CACNA1A: variants seen among roughly 807,000 people sequenced by gnomAD.
CACNA1A encodes the protein calcium voltage-gated channel subunit alpha1 A, also known as voltage-dependent P/Q-type calcium channel subunit alpha-1A.
A neutral mutation model predicts 262.4 loss-of-function variants in CACNA1A; 57 were observed. The ratio of observed to expected loss-of-function variants is 0.22; its 90% CI spans 0.18 to 0.27. CACNA1A has a LOEUF of 0.27. CACNA1A is among the 10% of genes least tolerant of loss of function. CACNA1A has a pLI of 1.00. For synonymous variants in CACNA1A, 1,431 were observed against 1,419.3 expected (o/e 1.01, Z -0.18); for missense variants, 2,526 against 3,562.8 (o/e 0.71, Z 7.41).
At chr19:13,366,807 G>A (rs1439898193) in intron 4 of CACNA1A, among the ~76,000 whole-genome samples, 1 of 152,082 alleles carries the variant, frequency 6.6e-6, no homozygotes, top group Non-Finnish European at 1.5e-5. Context: ...ATATAGGCTA[G>A]TTGCTGCTCT....
chr19:13,342,963 C>T (rs950253969), intron 6 of CACNA1A, among the ~76,000 whole-genome samples: 16 of 152,250 alleles, frequency 1.1e-4, no homozygotes, highest in African/African-American at 3.9e-4. Context: ...CTCTGTTGCC[C>T]AGGCTGGTCT....
chr19:13,319,745 T>C (rs958791053), intron 10 of CACNA1A, among the ~76,000 whole-genome samples: 3 of 152,238 alleles, frequency 2.0e-5, no homozygotes, highest in African/African-American at 7.2e-5. Flanking sequence ...CTGACGTTTA[T>C]GGAACATTTA....
At chr19:13,261,944 T>C (rs2144769108) in intron 25 of CACNA1A, 1 of 232,188 alleles carries the variant, frequency 4.3e-6, no homozygotes, top group South Asian at 8.4e-5. Context: ...AATTTTTACT[T>C]AGTTGCTACC....
chr19:13,442,617 G>A (rs572442336), intron 3 of CACNA1A, among the ~76,000 whole-genome samples: 8 of 152,340 alleles, frequency 5.3e-5, no homozygotes, highest in Non-Finnish European at 1.0e-4. Context: ...AACCCTAGGA[G>A]CTAGGCACTA....
intron 19 of CACNA1A, among the ~76,000 whole-genome samples, chr19:13,292,588 C>T (rs2057567975): frequency 6.6e-6 from 1 of 151,694 alleles, no homozygotes; most frequent in African/African-American, 2.4e-5. Flanking sequence ...TACTCCGGGG[C>T]CTGGATGACA....
chr19:13,474,528 CAA>C (rs1294442691), intron 1 of CACNA1A, among the ~76,000 whole-genome samples: 2 of 152,138 alleles, frequency 1.3e-5, no homozygotes, highest in African/African-American at 2.4e-5. Flanking sequence ...GTTAAAAATG[CAA>C]AGAGTTTGCC....
chr19:13,361,906 C>A (rs1030186428), intron 5 of CACNA1A: 1 of 152,238 alleles, frequency 6.6e-6, no homozygotes, highest in Admixed American at 6.5e-5. Flanking sequence ...TCTGTCTCCA[C>A]GCCATGTCCA....
At chr19:13,335,312 AGG>A (rs2058544933) in intron 7 of CACNA1A, among the ~76,000 whole-genome samples, 1 of 152,152 alleles carries the variant, frequency 6.6e-6, no homozygotes, top group Non-Finnish European at 1.5e-5. Context: ...TAAGACCATG[AGG>A]TATCCACGAG....
intron 1 of CACNA1A, among the ~76,000 whole-genome samples, chr19:13,466,620 C>A (rs1046177944): frequency 6.6e-6 from 1 of 152,016 alleles, no homozygotes; most frequent in African/African-American, 2.4e-5. Flanking sequence ...GGATTACAGG[C>A]GTGAGCCACC....
chr19:13,473,920 G>A (rs139616339), intron 1 of CACNA1A, among the ~76,000 whole-genome samples: 7 of 152,216 alleles, frequency 4.6e-5, no homozygotes, highest in Admixed American at 2.6e-4. Context: ...GGAAAGCCCC[G>A]GCCTCCCAAT....
intron 3 of CACNA1A, among the ~76,000 whole-genome samples, chr19:13,389,005 C>T (rs182163529): frequency 6.6e-5 from 10 of 152,126 alleles, no homozygotes; most frequent in Admixed American, 1.3e-4. Context: ...TGGGTTCAAG[C>T]GATTCTCTTG....
At position 13,212,614 on chromosome 19, in the gene CACNA1A, G is replaced by A; in HGVS notation, c.6050+17C>T. 4 of 1,511,194 alleles carry A rather than the reference G, an allele frequency of 2.6e-6. No homozygotes were observed. The African/African-American group carries it at 4.1e-5, about 16-fold the overall frequency. 93.6% of individuals were successfully genotyped at this position (1,511,194 alleles called of 1,614,324 possible). ...GGCACCCCCACACTCCACCTCCCTG[G>A]CAGGGGTGACACTCACAGGGCTCCT... On this transcript the variant is annotated intron_variant, in intron 41 of 46. Coordinates refer to ENST00000360228, the MANE Select transcript of CACNA1A (RefSeq NM_001127222.2). This position sits in a 1 kb window ranked among gnomAD's most constrained non-coding sequence, Gnocchi z 5.6.
intron 3 of CACNA1A, among the ~76,000 whole-genome samples, chr19:13,429,178 ACAC>A (rs1222833397): frequency 1.2e-4 from 17 of 144,524 alleles, no homozygotes; most frequent in Non-Finnish European, 1.8e-4. Flanking sequence ...ACACACACAC[ACAC>A]ACACACACAC....
intron 6 of CACNA1A, among the ~76,000 whole-genome samples, chr19:13,337,743 T>G (rs1396784084): frequency 6.6e-6 from 1 of 152,092 alleles, no homozygotes; most frequent in Non-Finnish European, 1.5e-5. Context: ...TTCTGAAAAA[T>G]GTGTCACTAG....
At chr19:13,403,130 T>C (rs1313013274) in intron 3 of CACNA1A, among the ~76,000 whole-genome samples, 1 of 151,702 alleles carries the variant, frequency 6.6e-6, no homozygotes, top group Non-Finnish European at 1.5e-5. Flanking sequence ...TTTTCCCACC[T>C]GCGAACACAC....
At chr19:13,231,089 G>C (rs994782307) in intron 35 of CACNA1A, among the ~76,000 whole-genome samples, 1 of 151,152 alleles carries the variant, frequency 6.6e-6, no homozygotes, top group African/African-American at 2.4e-5. Context: ...CTGCAGCCTC[G>C]ACCTCCAAGG....
intron 1 of CACNA1A, among the ~76,000 whole-genome samples, chr19:13,480,127 C>A (rs900644111): frequency 6.6e-6 from 1 of 152,112 alleles, no homozygotes. Flanking sequence ...ATATAGTTGA[C>A]CCCTGAACAA....
chr19:13,254,984 G>C, intron 29 of CACNA1A, 111 bp downstream of exon 29: 1 of 1,112,730 alleles, frequency 9.0e-7, no homozygotes, highest in Non-Finnish European at 1.3e-6. Context: ...TCTCAGAGGT[G>C]ATCCAGAGTG....
intron 44 of CACNA1A, 122 bp from the exon 45 acceptor site, chr19:13,209,620 G>A (rs2054728380): frequency 3.0e-6 from 2 of 677,786 alleles, no homozygotes; most frequent in East Asian, 6.8e-5. Context: ...GACCATCCTG[G>A]GGCAGGGGCC....
Sources: gnomAD v4.1 joint callset for allele counts (sites outside exome capture counted in the v4.1 genomes callset) on GRCh38, gnomAD v4.1.1 for gene constraint, Gnocchi (gnomAD v3.1) non-coding constraint, MANE v1.5 for transcripts, NCBI Gene and HGNC (gene_info 2026-07-23, HGNC 2026-07-21) for gene names.